The following TENM3 variants were observed in gnomAD, a reference collection of about 807,000 sequenced individuals.
The protein encoded by TENM3 is teneurin transmembrane protein 3, also known as teneurin-3.
TENM3 carries 63 observed loss-of-function variants against 255.1 expected under a neutral mutation model. The ratio of observed to expected loss-of-function variants is 0.25; its 90% CI spans 0.20 to 0.30. TENM3 has a LOEUF of 0.30. TENM3 is among the 10% of genes least tolerant of loss of function. The probability of loss-of-function intolerance (pLI) is 1.00; values close to 1 mark genes in which losing one functional copy is unlikely to be tolerated. For synonymous variants in TENM3, 1,306 were observed against 1,322.3 expected (o/e 0.99, Z 0.27); for missense variants, 2,929 against 3,461.1 (o/e 0.85, Z 3.86).
chr4:181,521,278 A>G, the TENM3 span, among the ~76,000 whole-genome samples: 3 of 152,266 alleles, frequency 2.0e-5, no homozygotes, highest in Non-Finnish European at 4.4e-5. Flanking sequence ...TTCTTCATTC[A>G]GATGAGGTTC....
intron 3 of TENM3, among the ~76,000 whole-genome samples, chr4:182,354,460 T>A (rs1353289638): frequency 6.6e-6 from 1 of 152,186 alleles, no homozygotes; most frequent in Non-Finnish European, 1.5e-5. Context: ...AAATAAGTGT[T>A]AGAGCCATAG....
At chr4:182,461,817 A>G (rs1732026566) in intron 3 of TENM3, among the ~76,000 whole-genome samples, 1 of 152,194 alleles carries the variant, frequency 6.6e-6, no homozygotes, top group Non-Finnish European at 1.5e-5. Context: ...AATTGAATGA[A>G]TGAGACCCAG....
At chr4:182,071,143 T>C in the TENM3 span, among the ~76,000 whole-genome samples, 1 of 152,190 alleles carries the variant, frequency 6.6e-6, no homozygotes, top group Admixed American at 6.6e-5. Context: ...GAGCATACTA[T>C]TTCAAGACTA....
intron 1 of TENM3, among the ~76,000 whole-genome samples, chr4:182,164,154 G>C (rs79614796): frequency 6.6e-6 from 1 of 152,102 alleles, no homozygotes; most frequent in African/African-American, 2.4e-5. Context: ...AGGCACCTTC[G>C]GTCATCCTGG....
chr4:182,361,705 C>G (rs535590634), intron 3 of TENM3, among the ~76,000 whole-genome samples: 1 of 152,156 alleles, frequency 6.6e-6, no homozygotes, highest in African/African-American at 2.4e-5. Context: ...CTGAAGCCTT[C>G]TTCTCTCAAC....
the TENM3 span, among the ~76,000 whole-genome samples, chr4:181,761,239 G>A: frequency 2.6e-5 from 4 of 151,818 alleles, no homozygotes; most frequent in Admixed American, 1.3e-4. Context: ...TCATTGTCAC[G>A]GTTATTGATG....
At chr4:182,719,295 T>C (rs1759485910) in intron 13 of TENM3, among the ~76,000 whole-genome samples, 1 of 125,144 alleles carries the variant, frequency 8.0e-6, no homozygotes, top group African/African-American at 3.1e-5. Context: ...GGAGTCTCGC[T>C]CTGTCTCCCA....
the TENM3 span, among the ~76,000 whole-genome samples, chr4:181,891,743 T>A: frequency 6.6e-6 from 1 of 152,224 alleles, no homozygotes; most frequent in Non-Finnish European, 1.5e-5. Context: ...CAGGTGGTCA[T>A]GTTTGTAAAG....
intron 3 of TENM3, among the ~76,000 whole-genome samples, chr4:182,571,692 A>G (rs1043173485): frequency 2.0e-5 from 3 of 152,224 alleles, no homozygotes; most frequent in Non-Finnish European, 2.9e-5. Flanking sequence ...ATTATGATCT[A>G]TGTTTCAGAA....
chr4:181,746,788 A>T, the TENM3 span, among the ~76,000 whole-genome samples: 12 of 151,310 alleles, frequency 7.9e-5, no homozygotes, highest in Admixed American at 5.9e-4. Context: ...AAATGTTTAC[A>T]TTGTTTTACA....
At chr4:182,417,301 G>A (rs1309812310) in intron 3 of TENM3, among the ~76,000 whole-genome samples, 1 of 151,822 alleles carries the variant, frequency 6.6e-6, no homozygotes, top group Non-Finnish European at 1.5e-5. Flanking sequence ...GTATGCAGAT[G>A]GAAAACAATA....
At chr4:182,012,342 G>A in the TENM3 span, among the ~76,000 whole-genome samples, 1 of 152,058 alleles carries the variant, frequency 6.6e-6, no homozygotes, top group African/African-American at 2.4e-5. Flanking sequence ...ACTAATTCCA[G>A]GCAGTACTTA....
intron 3 of TENM3, among the ~76,000 whole-genome samples, chr4:182,598,325 G>C (rs897431982): frequency 1.3e-5 from 2 of 152,170 alleles, no homozygotes; most frequent in Non-Finnish European, 2.9e-5. Flanking sequence ...CCTCCTGATT[G>C]TGTTGTCAAT....
intron 27 of TENM3, among the ~76,000 whole-genome samples, chr4:182,798,830 GTTTC>G (rs1766684366): frequency 6.6e-6 from 1 of 152,148 alleles, no homozygotes; most frequent in Non-Finnish European, 1.5e-5. Context: ...AAAAACAACT[GTTTC>G]TTTCATTGCC....
Position 182,174,531 on chromosome 4 carries a change from CAA to C in TENM3, c.-76+29779_-76+29780del, listed in dbSNP as rs1491448470. ...ACACACACACACACACACACACACA[CAA>C]ACACACACTTTAACAGGGAGGTTAT... On this transcript the variant is annotated intron_variant, in intron 1 of 2. Coordinates refer to the TENM3 transcript ENST00000512480. 6.7e-3 allele frequency among the ~76,000 whole-genome samples: 996 copies of C among 148,670 alleles called. 10 individuals are homozygous for C. Among genetic ancestry groups the C allele is most frequent in the African/African-American group, 0.023 (918 of 40,098 alleles).
At chr4:182,435,144 G>A (rs1160033726) in intron 3 of TENM3, among the ~76,000 whole-genome samples, 4 of 152,222 alleles carry the variant, frequency 2.6e-5, no homozygotes, top group Non-Finnish European at 5.9e-5. Context: ...GTGAGGAGAA[G>A]TGTTTGTCAT....
At chr4:181,696,621 G>A in the TENM3 span, among the ~76,000 whole-genome samples, 1 of 152,110 alleles carries the variant, frequency 6.6e-6, no homozygotes, top group Non-Finnish European at 1.5e-5. Context: ...TTCAAGTAAG[G>A]GGCCAAATTT....
At chr4:181,874,905 C>T in the TENM3 span, among the ~76,000 whole-genome samples, 1 of 152,212 alleles carries the variant, frequency 6.6e-6, no homozygotes, top group Admixed American at 6.5e-5. Flanking sequence ...CTATGTGCTT[C>T]CCTTCTTTCA....
At chr4:181,968,176 G>A in the TENM3 span, among the ~76,000 whole-genome samples, 1 of 152,120 alleles carries the variant, frequency 6.6e-6, no homozygotes. Context: ...TGAGATATGT[G>A]TTTACCAGGT....
Sources: gnomAD v4.1 joint callset for allele counts (sites outside exome capture counted in the v4.1 genomes callset) on GRCh38, gnomAD v4.1.1 for gene constraint, MANE v1.5 for transcripts, NCBI Gene and HGNC (gene_info 2026-07-23, HGNC 2026-07-21) for gene names.